Variants in UBE2H observed in about 807,000 individuals in gnomAD.
UBE2H encodes the protein ubiquitin-conjugating enzyme E2 H.
Under a neutral mutation model 29.0 loss-of-function variants are expected in UBE2H, and 3 were observed. The ratio of observed to expected loss-of-function variants is 0.10; its 90% CI spans 0.05 to 0.27. The LOEUF (loss-of-function observed/expected upper bound fraction) is 0.27. Ranked by LOEUF, UBE2H falls within the 10% of genes least tolerant of loss-of-function variation. The probability of loss-of-function intolerance (pLI) is 1.00; values close to 1 mark genes in which losing one functional copy is unlikely to be tolerated. For synonymous variants in UBE2H, 69 were observed against 82.9 expected (o/e 0.83, Z 0.91); for missense variants, 68 against 228.2 (o/e 0.30, Z 4.52).
chr7:129,930,072 T>C (rs1403447458), intron 1 of UBE2H, among the ~76,000 whole-genome samples: 1 of 152,182 alleles, frequency 6.6e-6, no homozygotes, highest in Non-Finnish European at 1.5e-5. Flanking sequence ...TTAAAGCACA[T>C]CCTAGACTTT....
rs549370773 is a variant in UBE2H, at chr7:129,882,848, A to G, written c.54-1877T>C. 6.2e-4 allele frequency among the ~76,000 whole-genome samples: 94 copies of G among 152,370 alleles called. 1 individual carries two copies. In the South Asian group the frequency reaches 0.019, roughly 32 times the overall value. ...GTGTCACGTAAAAAAAGGCAAATCC[A>G]GTTAAAATAAAATTAAATATCAACA... On this transcript the variant is annotated intron_variant, in intron 1 of 6. Transcript: ENST00000355621.
chr7:129,843,624 A>G (rs955573276), intron 5 of UBE2H, among the ~76,000 whole-genome samples: 1 of 152,230 alleles, frequency 6.6e-6, no homozygotes, highest in African/African-American at 2.4e-5. Flanking sequence ...TCCATGGATC[A>G]GAGATGATCA....
At chr7:129,880,499 C>T (rs1174144559) in intron 2 of UBE2H, among the ~76,000 whole-genome samples, 2 of 152,126 alleles carry the variant, frequency 1.3e-5, no homozygotes, top group Non-Finnish European at 2.9e-5. Flanking sequence ...GAGTGAGACT[C>T]CATCACTTAA....
rs1288581755 is a variant in UBE2H, at chr7:129,867,701, AAAAAAAAAAAAAAAAAGAAAACC to A, written c.206-8783_206-8761del. Among the ~76,000 whole-genome samples the A allele has an allele frequency of 1.8e-4, 13 of 72,452 alleles. 1 individual carries two copies. Among genetic ancestry groups the A allele is most frequent in the African/African-American group, 5.3e-4 (8 of 14,996 alleles). 47.5% of individuals were successfully genotyped at this position (72,452 alleles called of 152,430 possible). On this transcript the variant is annotated intron_variant, in intron 3 of 6. Transcript: ENST00000355621. ...GTACCCTAAAACTTAGAGTATAATA[AAAAAAAAAAAAAAAAAGAAAACC>A]AAAAAAAAAAAAAAAAAAGAAGACC...
At chr7:129,865,261 T>C (rs941528136) in intron 3 of UBE2H, among the ~76,000 whole-genome samples, 1 of 152,116 alleles carries the variant, frequency 6.6e-6, no homozygotes, top group Non-Finnish European at 1.5e-5. Flanking sequence ...TGCTAAGTCA[T>C]GCTGAAAAAC....
intron 1 of UBE2H, among the ~76,000 whole-genome samples, chr7:129,908,384 T>C (rs1309706207): frequency 1.3e-5 from 2 of 152,236 alleles, no homozygotes; most frequent in Admixed American, 6.5e-5. Flanking sequence ...CATTCCATTA[T>C]ACTAAAGGCT....
At chr7:129,952,072 G>A (rs988072285) in intron 1 of UBE2H, among the ~76,000 whole-genome samples, 1 of 152,106 alleles carries the variant, frequency 6.6e-6, no homozygotes, top group Non-Finnish European at 1.5e-5. Flanking sequence ...AGGAAATGGG[G>A]GCATCTCAAG....
At chr7:129,932,667 G>A (rs1807431235) in intron 1 of UBE2H, among the ~76,000 whole-genome samples, 2 of 151,266 alleles carry the variant, frequency 1.3e-5, no homozygotes, top group African/African-American at 2.4e-5. Context: ...CCAGCTACTC[G>A]GGAGGCTGAG....
At chr7:129,850,218 T>C (rs1481979557) in intron 5 of UBE2H, among the ~76,000 whole-genome samples, 1 of 151,876 alleles carries the variant, frequency 6.6e-6, no homozygotes, top group Non-Finnish European at 1.5e-5. Flanking sequence ...AAATAAAAAA[T>C]TAGCCTGATG....
At chr7:129,848,428 G>A (rs1805549823) in intron 5 of UBE2H, among the ~76,000 whole-genome samples, 1 of 152,162 alleles carries the variant, frequency 6.6e-6, no homozygotes, top group Non-Finnish European at 1.5e-5. Flanking sequence ...TATCTGTTCT[G>A]TAATTCAATA....
intron 1 of UBE2H, among the ~76,000 whole-genome samples, chr7:129,888,025 G>A (rs528264378): frequency 6.6e-6 from 1 of 152,322 alleles, no homozygotes; most frequent in Non-Finnish European, 1.5e-5. Flanking sequence ...TCACATGGAA[G>A]GAAGACAAGC....
At chr7:129,875,557 A>G (rs916393784) in intron 3 of UBE2H, among the ~76,000 whole-genome samples, 3 of 152,248 alleles carry the variant, frequency 2.0e-5, no homozygotes, top group African/African-American at 7.2e-5. Context: ...ATAGTGGTAG[A>G]CTGGCTGTAT....
chr7:129,947,635 C>T (rs1033064604), intron 1 of UBE2H, among the ~76,000 whole-genome samples: 11 of 152,172 alleles, frequency 7.2e-5, no homozygotes, highest in African/African-American at 2.4e-4. Flanking sequence ...TCCTAGCACA[C>T]AAAATTCATT....
intron 1 of UBE2H, among the ~76,000 whole-genome samples, chr7:129,910,545 C>A (rs1461991408): frequency 6.6e-6 from 1 of 152,070 alleles, no homozygotes; most frequent in African/African-American, 2.4e-5. Flanking sequence ...AGGCTTTAAA[C>A]CATGGGTGCT....
intron 1 of UBE2H, among the ~76,000 whole-genome samples, chr7:129,941,241 C>T (rs910805742): frequency 3.3e-5 from 5 of 152,036 alleles, no homozygotes; most frequent in Admixed American, 6.6e-5. Flanking sequence ...CAGGGTTTCA[C>T]CATGTTGCCC....
chr7:129,883,484 T>G (rs1025951879), intron 1 of UBE2H, among the ~76,000 whole-genome samples: 8 of 152,154 alleles, frequency 5.3e-5, no homozygotes, highest in African/African-American at 1.7e-4. Context: ...AATCCAAACG[T>G]TCATCAATGG....
At chr7:129,854,060 G>GTTTT (rs56362841) in intron 5 of UBE2H, among the ~76,000 whole-genome samples, 10 of 100,262 alleles carry the variant, frequency 1.0e-4, no homozygotes, top group South Asian at 3.4e-4. Context: ...TTTAGTGTTA[G>GTTTT]TTTTTTTTTT....
At chr7:129,939,553 C>G (rs1807599517) in intron 1 of UBE2H, among the ~76,000 whole-genome samples, 1 of 152,118 alleles carries the variant, frequency 6.6e-6, no homozygotes, top group Non-Finnish European at 1.5e-5. Context: ...ATGACTTTAA[C>G]CAATCAACCT....
intron 3 of UBE2H, among the ~76,000 whole-genome samples, chr7:129,873,075 C>G (rs1054205866): frequency 6.7e-6 from 1 of 150,246 alleles, no homozygotes; most frequent in Non-Finnish European, 1.5e-5. Context: ...GCTGGAGTGC[C>G]GTGGCGCGAT....
Sources: allele counts gnomAD v4.1 joint callset (sites outside exome capture counted in the v4.1 genomes callset), GRCh38; gene constraint gnomAD v4.1.1; transcripts MANE v1.5; gene names NCBI Gene and HGNC (gene_info 2026-07-23, HGNC 2026-07-21).